The following PCDHGA7 variants were observed in gnomAD, a reference collection of about 807,000 sequenced individuals.
PCDHGA7 encodes protocadherin gamma subfamily A, 7.
Under a neutral mutation model 58.3 loss-of-function variants are expected in PCDHGA7, and 44 were observed. That is an observed-to-expected ratio of 0.75 (90% CI 0.59 to 0.97). PCDHGA7 has a LOEUF of 0.97. PCDHGA7 is among the 50% of genes least tolerant of loss of function. PCDHGA7 has a pLI of 0.00. For missense variants in PCDHGA7, 1,266 were observed against 1,188.7 expected, an observed-to-expected ratio of 1.06 and a Z score of -0.96; for synonymous variants, 516 against 504.2, an observed-to-expected ratio of 1.02 and a Z score of -0.31.
intron 1 of PCDHGA7, among the ~76,000 whole-genome samples, chr5:141,436,848 AT>A (rs1247905529): frequency 6.6e-6 from 1 of 152,244 alleles, no homozygotes; most frequent in African/African-American, 2.4e-5. Flanking sequence ...CACATTCTTG[AT>A]TGAGAAGCCA....
intron 1 of PCDHGA7, chr5:141,393,190 T>C: frequency 6.2e-7 from 1 of 1,613,384 alleles, no homozygotes; most frequent in Non-Finnish European, 8.5e-7. Flanking sequence ...ATAATTGATA[T>C]TAACGATAAT....
intron 1 of PCDHGA7, among the ~76,000 whole-genome samples, chr5:141,472,445 C>T (rs2099280467): frequency 6.6e-6 from 1 of 151,956 alleles, no homozygotes; most frequent in Non-Finnish European, 1.5e-5. Flanking sequence ...GAGGCTGAGG[C>T]AGGAGAATCG....
At chr5:141,409,792 C>T in intron 1 of PCDHGA7, 1 of 1,612,068 alleles carries the variant, frequency 6.2e-7, no homozygotes, top group African/African-American at 1.3e-5. Flanking sequence ...CCTTCGCGCT[C>T]ACGCTGCAGG....
intron 1 of PCDHGA7, among the ~76,000 whole-genome samples, chr5:141,443,654 G>A (rs2098397947): frequency 6.6e-6 from 1 of 152,150 alleles, no homozygotes; most frequent in Non-Finnish European, 1.5e-5. Context: ...TGTTAGCATA[G>A]CATTTTACTG....
chr5:141,393,574 A>T (rs2092798550), intron 1 of PCDHGA7: 2 of 1,613,798 alleles, frequency 1.2e-6, no homozygotes, highest in Non-Finnish European at 1.7e-6. Context: ...GTCCTTGAGA[A>T]CATGCCCCCA....
intron 1 of PCDHGA7, chr5:141,419,854 A>G: frequency 1.9e-6 from 3 of 1,614,078 alleles, no homozygotes; most frequent in Non-Finnish European, 2.5e-6. Flanking sequence ...TGGTGTTCGC[A>G]GATAGCTTGC....
Position 141,484,647 on chromosome 5 carries a change from G to A in PCDHGA7, c.2425-10160G>A, listed in dbSNP as rs556711906. Among the ~76,000 whole-genome samples, 104 of 152,066 alleles carry A rather than the reference G, an allele frequency of 6.8e-4. 3 individuals carry two copies. Among genetic ancestry groups the A allele is most frequent in the East Asian group, 1.2e-3 (6 of 5,166 alleles). ...TGAACAAAGTGACCACTCTCCAATG[G>A]CTACTCTCCCTCTCAGTGGGCCGCA... On this transcript the variant is annotated intron_variant, in intron 1 of 3. Transcript: ENST00000518325.
At chr5:141,454,941 G>A (rs2098807517) in intron 1 of PCDHGA7, among the ~76,000 whole-genome samples, 1 of 150,970 alleles carries the variant, frequency 6.6e-6, no homozygotes, top group Non-Finnish European at 1.5e-5. Flanking sequence ...CCGAGTAGCT[G>A]GGACTACAGG....
chr5:141,395,437 G>A lies in PCDHGA7; in HGVS notation c.2424+10114G>A, dbSNP rs973609255. On this transcript the variant is annotated intron_variant, in intron 1 of 3. Coordinates refer to ENST00000518325, the MANE Select transcript of PCDHGA7 (RefSeq NM_018920.4). ...TGTTTCATTTGCTTTTAAACGACTT[G>A]GAAAAGATTGTTCAACCATTTTAAG... 5.2e-5 allele frequency: 35 copies of A among 668,254 alleles called. No homozygotes were observed. The African/African-American group carries it at 6.1e-4, about 12-fold the overall frequency. 41.4% of individuals were successfully genotyped at this position (668,254 alleles called of 1,614,324 possible).
Position 141,432,691 on chromosome 5 carries a change from G to A in PCDHGA7, c.2424+47368G>A, listed in dbSNP as rs1308174141. Reference sequence around the variant, plus strand: ...ACGCGCTCAAGCAGAGCCTCGTAGTGGCCGTCCAGGACCACGGCCAGCCCC... The same window carrying A: ...ACGCGCTCAAGCAGAGCCTCGTAGTAGCCGTCCAGGACCACGGCCAGCCCC... On this transcript the variant is annotated intron_variant, in intron 1 of 3. Transcript: ENST00000518325. The surrounding 1 kb of genome is among the most constrained non-coding windows in gnomAD (Gnocchi z 6.0). 1 of 1,613,942 alleles carries A rather than the reference G, an allele frequency of 6.2e-7. No individual in the cohort carries two copies. Among genetic ancestry groups the A allele is most frequent in the South Asian group, 1.1e-5 (1 of 91,068 alleles).
chr5:141,388,040 G>T (rs1561617548), intron 1 of PCDHGA7: 1 of 1,412,752 alleles, frequency 7.1e-7, no homozygotes, highest in East Asian at 2.5e-5. Context: ...ACCTCGCCAC[G>T]GACCTGGGGT....
At chr5:141,413,622 T>C (rs1561743710) in intron 1 of PCDHGA7, 2 of 1,613,760 alleles carry the variant, frequency 1.2e-6, no homozygotes, top group Non-Finnish European at 1.7e-6. Flanking sequence ...TTAATGAAAA[T>C]GTCGCTGCGG....
chr5:141,405,822 T>C (rs1055689569), intron 1 of PCDHGA7, among the ~76,000 whole-genome samples: 2 of 151,888 alleles, frequency 1.3e-5, no homozygotes, highest in African/African-American at 4.8e-5. Flanking sequence ...CTGTCTGTAC[T>C]TAAGGTAGTA....
chr5:141,406,757 A>C (rs1274112027), intron 1 of PCDHGA7, among the ~76,000 whole-genome samples: 3 of 152,230 alleles, frequency 2.0e-5, no homozygotes, highest in Non-Finnish European at 4.4e-5. Context: ...CAAAACAAGG[A>C]ATTAAAAATA....
In PCDHGA7 at chr5:141,399,479, C is replaced by T. The variant is rs774561101; in HGVS notation, c.2424+14156C>T. 3 of 1,614,032 alleles carry T rather than the reference C, an allele frequency of 1.9e-6. No individual in the cohort carries two copies. In the Admixed American group the frequency reaches 5.0e-5, roughly 27 times the overall value. On this transcript the variant is annotated intron_variant, in intron 1 of 3. Transcript: ENST00000518325. ...GATAACGCTCCGGTTTTCCACCAGG[C>T]GTCCTACTTAGTCAGTGTACCCGAA...
intron 1 of PCDHGA7, chr5:141,403,174 T>C: frequency 1.9e-6 from 3 of 1,614,000 alleles, no homozygotes; most frequent in Non-Finnish European, 2.5e-6. Context: ...GGACGCAGCT[T>C]TTCTCTCTGA....
At chr5:141,389,388 T>C (rs375763465) in intron 1 of PCDHGA7, 34 of 1,613,602 alleles carry the variant, frequency 2.1e-5, no homozygotes, top group Non-Finnish European at 2.6e-5. Context: ...GCTGTCATCC[T>C]ACGTGTCCAT....
Position 141,491,984 on chromosome 5 carries a change from C to G in PCDHGA7, c.2425-2823C>G. 1.4e-6 allele frequency: 1 copy of G among 734,256 alleles called. No homozygotes were observed. The highest frequency in any genetic ancestry group is 3.2e-5 in the East Asian group (1 of 31,678). The allele number at this position is 734,256 out of a possible 1,614,324, so 45.5% of individuals were successfully genotyped here. ...AAGGCCGGGGCCTCCTTCGAGCTTC[C>G]GGTGAATTTCGGGCGATTTCCGCGG... On this transcript the variant is annotated intron_variant, in intron 1 of 3. Coordinates refer to ENST00000518325, the MANE Select transcript of PCDHGA7 (RefSeq NM_018920.4). The surrounding 1 kb of genome is among the most constrained non-coding windows in gnomAD (Gnocchi z 6.9).
chr5:141,385,620 T>G (rs2090301137), intron 1 of PCDHGA7: 1 of 1,063,712 alleles, frequency 9.4e-7, no homozygotes, highest in Middle Eastern at 3.9e-4. Flanking sequence ...TTTTATACAT[T>G]GGAATGAATC....
Sources: allele counts gnomAD v4.1 joint callset (sites outside exome capture counted in the v4.1 genomes callset), GRCh38; gene constraint gnomAD v4.1.1; non-coding constraint Gnocchi (gnomAD v3.1); transcripts MANE v1.5; gene names NCBI Gene and HGNC (gene_info 2026-07-23, HGNC 2026-07-21).